Variants in FAM13C observed in about 807,000 individuals in gnomAD.
FAM13C encodes family with sequence similarity 13 member C.
Under a neutral mutation model 73.2 loss-of-function variants are expected in FAM13C, and 37 were observed. The ratio of observed to expected loss-of-function variants is 0.51; its 90% CI spans 0.39 to 0.67. The LOEUF (loss-of-function observed/expected upper bound fraction) is 0.67. FAM13C is among the 30% of genes least tolerant of loss of function. FAM13C has a pLI of 0.00. For missense variants in FAM13C, 589 were observed against 715.6 expected, an observed-to-expected ratio of 0.82 and a Z score of 2.02; for synonymous variants, 246 against 260.9, an observed-to-expected ratio of 0.94 and a Z score of 0.55.
In FAM13C at chr10:59,269,915, TG is replaced by T. The variant is rs1843510095; in HGVS notation, c.786del (p.Ser262ArgfsTer6). 1 of 1,613,704 alleles carries T rather than the reference TG, an allele frequency of 6.2e-7. No individual in the cohort carries two copies. Among genetic ancestry groups the T allele is most frequent in the Non-Finnish European group, 8.5e-7 (1 of 1,179,868 alleles). Reference sequence around the variant, plus strand: ...TTTTCTCACATCATAAACTGCTGAGTGCTGGGTGGAGATGGGGCTGACTCGG... The same window carrying T: ...TTTTCTCACATCATAAACTGCTGAGTCTGGGTGGAGATGGGGCTGACTCGG... ...LDPESAPSPP[S>X]TQQFMMPRSS... On this transcript the variant is annotated frameshift_variant, in exon 7 of 14. Transcript: ENST00000618804. LOFTEE classifies it high-confidence loss of function.
intron 5 of FAM13C, among the ~76,000 whole-genome samples, chr10:59,302,000 T>A (rs1485744303): frequency 7.5e-6 from 1 of 134,146 alleles, no homozygotes; most frequent in Non-Finnish European, 1.6e-5. Flanking sequence ...GGGATGCATC[T>A]TCAAAACGTC....
intron 6 of FAM13C, among the ~76,000 whole-genome samples, chr10:59,281,156 T>C (rs1179965901): frequency 2.6e-5 from 4 of 152,216 alleles, no homozygotes; most frequent in Non-Finnish European, 5.9e-5. Context: ...ACTATGGCCA[T>C]CTGTGTTCAT....
chr10:59,350,513 T>A (rs1174321159), intron 3 of FAM13C, among the ~76,000 whole-genome samples: 10 of 152,172 alleles, frequency 6.6e-5, no homozygotes, highest in African/African-American at 2.4e-4. Context: ...AGCATGACTC[T>A]CCTAATTAGT....
intron 6 of FAM13C, among the ~76,000 whole-genome samples, chr10:59,272,155 ATC>A (rs1433734568): frequency 2.0e-5 from 3 of 152,202 alleles, no homozygotes; most frequent in African/African-American, 7.2e-5. Flanking sequence ...TTTATATGGC[ATC>A]TGTTTTCCCT....
chr10:59,346,753 G>A (rs1306866906), intron 3 of FAM13C, among the ~76,000 whole-genome samples: 3 of 152,030 alleles, frequency 2.0e-5, no homozygotes. Flanking sequence ...TGGTTGTCAG[G>A]GATTAATTTT....
intron 5 of FAM13C, among the ~76,000 whole-genome samples, chr10:59,299,581 G>A (rs1847315242): frequency 6.6e-6 from 1 of 151,674 alleles, no homozygotes; most frequent in South Asian, 2.1e-4. Flanking sequence ...TCTTAATTGG[G>A]ACTGAAGCAA....
intron 8 of FAM13C, among the ~76,000 whole-genome samples, chr10:59,267,400 C>T (rs1448186896): frequency 6.6e-6 from 1 of 152,202 alleles, no homozygotes; most frequent in East Asian, 1.9e-4. Context: ...CATCAGGTGT[C>T]AGTTTCATTA....
intron 4 of FAM13C, among the ~76,000 whole-genome samples, chr10:59,323,760 T>G (rs1026323327): frequency 6.6e-6 from 1 of 152,156 alleles, no homozygotes; most frequent in African/African-American, 2.4e-5. Context: ...CCCCTGAGCC[T>G]TAAGGTAGAT....
In FAM13C at chr10:59,262,499, G is replaced by A. The variant is rs1175334820; in HGVS notation, c.1171C>T (p.Pro391Ser). ...TTCAGGCATGTCAAGGCAGCATCTG[G>A]AGTCTCTTCTCCAGAGGAGCTTGGC... ...PEPSSSGEET[P>S]DAALTCLKER... is the part of the protein sequence containing the mutation. Residue 391 changes from proline (P) to serine (S), a missense_variant, in exon 10 of 14, where the codon CCA (proline) becomes TCA (serine). Coordinates refer to ENST00000618804, the MANE Select transcript of FAM13C (RefSeq NM_198215.4). 6.2e-7 allele frequency: 1 copy of A among 1,613,694 alleles called. No homozygotes were observed. Among genetic ancestry groups the A allele is most frequent in the South Asian group, 1.1e-5 (1 of 91,060 alleles).
chr10:59,351,815 G>A (rs916813455), intron 3 of FAM13C, among the ~76,000 whole-genome samples: 3 of 152,068 alleles, frequency 2.0e-5, no homozygotes, highest in Non-Finnish European at 4.4e-5. Flanking sequence ...CCAACATGGC[G>A]AAACCCTGTC....
chr10:59,330,840 A>G (rs1486747707), intron 3 of FAM13C, among the ~76,000 whole-genome samples: 1 of 152,128 alleles, frequency 6.6e-6, no homozygotes, highest in Non-Finnish European at 1.5e-5. Context: ...TTATGATCAC[A>G]TTGCTTCACT....
Position 59,247,516 on chromosome 10 carries a change from C to T in FAM13C, c.*98G>A. The T allele has an allele frequency of 6.7e-7, 1 of 1,483,816 alleles. No homozygotes were observed. Among genetic ancestry groups the T allele is most frequent in the Non-Finnish European group, 9.3e-7 (1 of 1,076,944 alleles). The allele number at this position is 1,483,816 out of a possible 1,614,324, so 91.9% of individuals were successfully genotyped here. A position where few individuals can be genotyped will look rare whatever the true frequency, so the allele number is the denominator to read the frequency against. ...AGCTAATACTACCACTAAAGTGCTTCCATTTTCATTGTGTCAAAACTACTT... is the reference window on the plus strand; with the variant it reads ...AGCTAATACTACCACTAAAGTGCTTTCATTTTCATTGTGTCAAAACTACTT... On this transcript the variant is annotated 3_prime_UTR_variant, in exon 14 of 14. Transcript: ENST00000618804.
intron 4 of FAM13C, among the ~76,000 whole-genome samples, chr10:59,308,314 T>C (rs1242445172): frequency 6.6e-6 from 1 of 150,894 alleles, no homozygotes; most frequent in African/African-American, 2.4e-5. Context: ...CCACCACTAC[T>C]ACCACCATGA....
chr10:59,304,783 G>GGGAAA lies in FAM13C; in HGVS notation c.444-1920_444-1919insTTTCC, dbSNP rs1564553825. 1.3e-3 allele frequency among the ~76,000 whole-genome samples: 123 copies of GGGAAA among 95,732 alleles called. 1 individual carries two copies. Among genetic ancestry groups the GGGAAA allele is most frequent in the Middle Eastern group, 5.3e-3 (1 of 188 alleles). The allele number at this position is 95,732 out of a possible 152,430, so 62.8% of individuals were successfully genotyped here. Reference sequence around the variant, plus strand: ...AAAGAGGGAAGGGAAGGGAAGGGAAGGGAAGGGAAGGGAAGGGAAGGGAAG... The same window carrying GGGAAA: ...AAAGAGGGAAGGGAAGGGAAGGGAAGGGAAAGGAAGGGAAGGGAAGGGAAGGGAAG... On this transcript the variant is annotated intron_variant, in intron 4 of 13. Coordinates refer to ENST00000618804, the MANE Select transcript of FAM13C (RefSeq NM_198215.4).
intron 13 of FAM13C, among the ~76,000 whole-genome samples, chr10:59,250,834 T>A (rs1589330495): frequency 6.6e-6 from 1 of 152,334 alleles, no homozygotes; most frequent in South Asian, 2.1e-4. Context: ...ATATCCCACA[T>A]GACAGCTGTA....
chr10:59,314,935 A>G (rs1849351446), intron 4 of FAM13C, among the ~76,000 whole-genome samples: 1 of 152,216 alleles, frequency 6.6e-6, no homozygotes, highest in South Asian at 2.1e-4. Context: ...TCTGATCCCA[A>G]GTGACCTAAA....
intron 13 of FAM13C, among the ~76,000 whole-genome samples, chr10:59,249,973 T>G (rs1171982785): frequency 6.6e-6 from 1 of 152,226 alleles, no homozygotes. Context: ...TCAAACCCCT[T>G]ACGATAGATT....
At chr10:59,267,834 T>C (rs979508986) in intron 8 of FAM13C, among the ~76,000 whole-genome samples, 5 of 152,208 alleles carry the variant, frequency 3.3e-5, no homozygotes, top group African/African-American at 1.2e-4. Flanking sequence ...GAAGACCCAA[T>C]GTCTTTGTCC....
chr10:59,249,225 A>G (rs569351902), intron 13 of FAM13C, among the ~76,000 whole-genome samples: 27 of 152,072 alleles, frequency 1.8e-4, no homozygotes, highest in Non-Finnish European at 3.7e-4. Flanking sequence ...TAACATGGTG[A>G]AACCCTGTCT....
Sources: gnomAD v4.1 joint callset for allele counts (sites outside exome capture counted in the v4.1 genomes callset) on GRCh38, gnomAD v4.1.1 for gene constraint, MANE v1.5 for transcripts, NCBI Gene and HGNC (gene_info 2026-07-23, HGNC 2026-07-21) for gene names.